The following DCLK3 variants were observed in gnomAD, a reference collection of about 807,000 sequenced individuals.
DCLK3 encodes the protein doublecortin like kinase 3, also known as serine/threonine-protein kinase DCLK3.
A neutral mutation model predicts 46.4 loss-of-function variants in DCLK3; 30 were observed. That is an observed-to-expected ratio of 0.65 (90% CI 0.48 to 0.88). The LOEUF is 0.88. Among genes scored for constraint, DCLK3 ranks in the 40% least tolerant of loss-of-function variants. The pLI is 0.00. For synonymous variants in DCLK3, 401 were observed against 339.2 expected, an observed-to-expected ratio of 1.18 and a Z score of -2.00; for missense variants, 846 against 907.1, an observed-to-expected ratio of 0.93 and a Z score of 0.87.
rs1701300905 is a variant in DCLK3, at chr3:36,738,477, C to T, written c.690G>A (p.Lys230=). 2 of 1,488,772 alleles carry T rather than the reference C, an allele frequency of 1.3e-6. No homozygotes were observed. The highest frequency in any genetic ancestry group is 1.8e-4 in the Middle Eastern group (1 of 5,540). The allele number at this position is 1,488,772 out of a possible 1,614,324, so 92.2% of individuals were successfully genotyped here. A position where few individuals can be genotyped will look rare whatever the true frequency, so the allele number is the denominator to read the frequency against. The change falls in exon 2 of 5, where the codon AAG becomes AAA. Residue 230 remains lysine, a synonymous_variant. Transcript: ENST00000636136. ...TGCATCCTGCAACTTCGCTGCAGCT[C>T]TTGGGGGTCTCGGTCTCCCCACAGC... ...DHRCGETETP[K]SCSEVAGCKA...
At chr3:36,730,848 C>T (rs1400380044) in intron 2 of DCLK3, among the ~76,000 whole-genome samples, 1 of 151,622 alleles carries the variant, frequency 6.6e-6, no homozygotes, top group African/African-American at 2.4e-5. Flanking sequence ...CAAGGGTGAG[C>T]CATATTAAGA....
intron 1 of DCLK3, among the ~76,000 whole-genome samples, chr3:36,751,416 C>T (rs532248653): frequency 6.6e-6 from 1 of 152,318 alleles, no homozygotes; most frequent in South Asian, 2.1e-4. Context: ...AGATGACAGG[C>T]ATAAGGTTGC....
chr3:36,762,247 T>C (rs1255723844), intron 1 of DCLK3, among the ~76,000 whole-genome samples: 1 of 152,190 alleles, frequency 6.6e-6, no homozygotes, highest in African/African-American at 2.4e-5. Flanking sequence ...TAGCATGGGC[T>C]ACCTATTACC....
rs1701564616 is a variant in DCLK3, at chr3:36,764,172, C to A, written c.82+10G>T. 6.1e-6 allele frequency: 2 copies of A among 326,720 alleles called. No homozygotes were observed. Among genetic ancestry groups the A allele is most frequent in the Admixed American group, 5.0e-5 (1 of 20,200 alleles). The allele number at this position is 326,720 out of a possible 1,614,324, so 20.2% of individuals were successfully genotyped here. ...CAGAACGGGTCGGTGCCGGAGCGCA[C>A]GGTACTCACCCGGGGCAGGCCGCGC... On this transcript the variant is annotated intron_variant, in intron 1 of 4. Transcript: ENST00000636136. This position sits in a 1 kb window ranked among gnomAD's most constrained non-coding sequence, Gnocchi z 4.9.
chr3:36,715,300 G>A lies in DCLK3; in HGVS notation c.*28C>T, dbSNP rs149109120. The A allele has an allele frequency of 6.2e-7, 1 of 1,612,802 alleles. No individual in the cohort carries two copies. Among genetic ancestry groups the A allele is most frequent in the Non-Finnish European group, 8.5e-7 (1 of 1,179,542 alleles). ...TTTTCTCTGTCCTTGAGCAGAACTG[G>A]GGGCTGGACAGATTCCCAAGGTGGT... On this transcript the variant is annotated 3_prime_UTR_variant, in exon 5 of 5. Coordinates refer to ENST00000636136, the MANE Select transcript of DCLK3 (RefSeq NM_001394672.2).
At chr3:36,722,019 C>CAG (rs1701067556) in intron 2 of DCLK3, among the ~76,000 whole-genome samples, 1 of 152,196 alleles carries the variant, frequency 6.6e-6, no homozygotes, top group Non-Finnish European at 1.5e-5. Context: ...TTGGGAAACA[C>CAG]AGATAGACAC....
At chr3:36,736,255 C>A (rs548270593) in intron 2 of DCLK3, among the ~76,000 whole-genome samples, 1 of 152,168 alleles carries the variant, frequency 6.6e-6, no homozygotes, top group East Asian at 1.9e-4. Flanking sequence ...AGTGTCAGCA[C>A]GTGGGGGTAA....
chr3:36,752,783 C>T (rs530364491), intron 1 of DCLK3, among the ~76,000 whole-genome samples: 3 of 152,312 alleles, frequency 2.0e-5, no homozygotes, highest in East Asian at 1.9e-4. Context: ...TTACTTGAAG[C>T]TTTAACCTGT....
chr3:36,729,246 T>G (rs1305777681), intron 2 of DCLK3, among the ~76,000 whole-genome samples: 598 of 41,844 alleles, frequency 0.014, 8 homozygotes, highest in East Asian at 0.033. Context: ...TGTGTGTGTG[T>G]GTGGGGGGGG....
At chr3:36,721,694 T>C in intron 2 of DCLK3, 35 bp from the exon 3 acceptor site, 1 of 1,613,674 alleles carries the variant, frequency 6.2e-7, no homozygotes, top group Non-Finnish European at 8.5e-7. Context: ...CCACCAAAAT[T>C]GTGATTAGAA....
At chr3:36,752,090 G>T (rs527343976) in intron 1 of DCLK3, among the ~76,000 whole-genome samples, 2 of 152,290 alleles carry the variant, frequency 1.3e-5, no homozygotes, top group Middle Eastern at 6.8e-3. Context: ...GCAGCTGATC[G>T]CTGCCCAAGT....
chr3:36,762,403 G>T (rs576956838), intron 1 of DCLK3, among the ~76,000 whole-genome samples: 9 of 152,086 alleles, frequency 5.9e-5, no homozygotes, highest in African/African-American at 2.2e-4. Context: ...AGGAAAAAAT[G>T]GTAGGGATGT....
rs1042696586 is a variant in DCLK3 at position 36,712,548 on chromosome 3, C to A, written c.*2780G>T. On this transcript the variant is annotated 3_prime_UTR_variant, in exon 5 of 5. Transcript: ENST00000636136. The stretch of plus-strand genomic sequence containing the variant: ...CCATTATTACATTCAAGAAAATGAA[C>A]ACGTCCCTCTTCCCCAAAGTTACCA... 1 of 152,114 alleles carries A rather than the reference C, an allele frequency of 6.6e-6. No individual in the cohort carries two copies. Among genetic ancestry groups the A allele is most frequent in the African/African-American group, 2.4e-5 (1 of 41,412 alleles). 9.4% of individuals were successfully genotyped at this position (152,114 alleles called of 1,614,324 possible). A position where few individuals can be genotyped will look rare whatever the true frequency, so the allele number is the denominator to read the frequency against.
chr3:36,754,256 A>G (rs1224355396), intron 1 of DCLK3, among the ~76,000 whole-genome samples: 1 of 152,264 alleles, frequency 6.6e-6, no homozygotes, highest in Non-Finnish European at 1.5e-5. Context: ...TTGGAGATCT[A>G]CAATCCTTGG....
chr3:36,716,059 C>T (rs1417976206), intron 4 of DCLK3, among the ~76,000 whole-genome samples: 5 of 152,102 alleles, frequency 3.3e-5, no homozygotes, highest in Admixed American at 2.0e-4. Context: ...AACTGAAAAC[C>T]GTGTAAAGAA....
chr3:36,745,175 A>C (rs1701382564), intron 1 of DCLK3, among the ~76,000 whole-genome samples: 1 of 152,248 alleles, frequency 6.6e-6, no homozygotes, highest in Non-Finnish European at 1.5e-5. Flanking sequence ...GTTTAGCATC[A>C]AGAAAAAAAT....
chr3:36,736,757 C>T (rs57743676), intron 2 of DCLK3, among the ~76,000 whole-genome samples: 1 of 152,288 alleles, frequency 6.6e-6, no homozygotes, highest in East Asian at 1.9e-4. Context: ...TTACACAGAC[C>T]CTTACAGTGC....
At chr3:36,745,087 G>GT (rs1701381904) in intron 1 of DCLK3, among the ~76,000 whole-genome samples, 1 of 152,186 alleles carries the variant, frequency 6.6e-6, no homozygotes, top group African/African-American at 2.4e-5. Context: ...CAGAGTGACT[G>GT]TAAGTCACAT....
At position 36,764,063 on chromosome 3, in the gene DCLK3, G is replaced by A. The variant is rs1448267636; in HGVS notation, c.82+119C>T. The A allele has an allele frequency of 4.7e-6, 1 of 213,492 alleles. No individual in the cohort carries two copies. Among genetic ancestry groups the A allele is most frequent in the East Asian group, 1.0e-4 (1 of 10,050 alleles). The allele number at this position is 213,492 out of a possible 1,614,324, so 13.2% of individuals were successfully genotyped here. A position where few individuals can be genotyped will look rare whatever the true frequency, so the allele number is the denominator to read the frequency against. On this transcript the variant is annotated intron_variant, in intron 1 of 4. Transcript: ENST00000636136. The surrounding 1 kb of genome is among the most constrained non-coding windows in gnomAD (Gnocchi z 4.9). ...ACAGTCCTCCGTACACCCACGCGGG[G>A]TCTGGCACTGCTGCTACATCCCGCA...
Sources: allele counts gnomAD v4.1 joint callset (sites outside exome capture counted in the v4.1 genomes callset), GRCh38; gene constraint gnomAD v4.1.1; non-coding constraint Gnocchi (gnomAD v3.1); transcripts MANE v1.5; gene names NCBI Gene and HGNC (gene_info 2026-07-23, HGNC 2026-07-21).